Variants in C1orf185 observed in about 807,000 individuals in gnomAD.
The protein encoded by C1orf185 is uncharacterized protein C1orf185.
A neutral mutation model predicts 16.1 loss-of-function variants in C1orf185; 13 were observed. The observed-to-expected ratio is 0.81, with a 90% CI of 0.53 to 1.28. The LOEUF (loss-of-function observed/expected upper bound fraction) is 1.28. C1orf185 is among the 50% of genes most tolerant of loss of function. The pLI, the probability that C1orf185 is intolerant of heterozygous loss-of-function variation, is 0.00. For synonymous variants in C1orf185, 80 were observed against 76.9 expected (o/e 1.04, Z -0.21); for missense variants, 220 against 225.2 (o/e 0.98, Z 0.15).
At chr1:51,106,390 A>C (rs1185076439) in intron 1 of C1orf185, among the ~76,000 whole-genome samples, 1 of 151,936 alleles carries the variant, frequency 6.6e-6, no homozygotes, top group African/African-American at 2.4e-5. Flanking sequence ...TTTTTTAAAC[A>C]AAATTGAGAT....
At chr1:51,142,985 A>G (rs963995818) in intron 3 of C1orf185, among the ~76,000 whole-genome samples, 3 of 152,034 alleles carry the variant, frequency 2.0e-5, no homozygotes, top group Admixed American at 1.3e-4. Flanking sequence ...GCTGTTCTCA[A>G]ACTCCTGGCC....
chr1:51,120,294 AT>A (rs1281805455), intron 3 of C1orf185, among the ~76,000 whole-genome samples: 1 of 152,188 alleles, frequency 6.6e-6, no homozygotes, highest in African/African-American at 2.4e-5. Context: ...GGTCAAGAGC[AT>A]TGTCTGTAGA....
At chr1:51,113,038 C>T (rs572351117) in intron 2 of C1orf185, among the ~76,000 whole-genome samples, 496 of 151,720 alleles carry the variant, frequency 3.3e-3, no homozygotes, top group Non-Finnish European at 4.3e-3. Flanking sequence ...AGGCTGGTCT[C>T]GAACTCCTGA....
chr1:51,111,374 C>CTTTTTTTTTTTTTTTTT (rs11414730), intron 1 of C1orf185, among the ~76,000 whole-genome samples: 9 of 133,970 alleles, frequency 6.7e-5, no homozygotes, highest in African/African-American at 2.5e-4. Context: ...TTCTTTCTTT[C>CTTTTTTTTTTTTTTTTT]TTTTTTTTTT....
At chr1:51,123,492 T>C (rs764171364) in intron 3 of C1orf185, among the ~76,000 whole-genome samples, 1 of 152,248 alleles carries the variant, frequency 6.6e-6, no homozygotes, top group Non-Finnish European at 1.5e-5. Context: ...TGGAGGTTTT[T>C]GTATAAACAT....
chr1:51,110,467 T>A (rs964022538), intron 1 of C1orf185, among the ~76,000 whole-genome samples: 3 of 152,172 alleles, frequency 2.0e-5, no homozygotes, highest in African/African-American at 7.2e-5. Flanking sequence ...AAAACTAAGA[T>A]TTGACAGGCA....
chr1:51,120,588 C>T (rs1449193621), intron 3 of C1orf185, among the ~76,000 whole-genome samples: 1 of 152,068 alleles, frequency 6.6e-6, no homozygotes, highest in Non-Finnish European at 1.5e-5. Flanking sequence ...CTCTGACTTT[C>T]GAATGAAGGA....
rs113340357 is a variant in C1orf185, at chr1:51,111,621, G to T, written c.17-843G>T. On this transcript the variant is annotated intron_variant, in intron 1 of 4. Transcript: ENST00000371759. ...GACAACTTCCACCTCCCAGGTTCCA[G>T]TGATTCTCCTGCCTCAGCCTCCCGA... is the stretch of plus-strand genomic sequence containing the variant. Among the ~76,000 whole-genome samples, 287 of 152,114 alleles carry T rather than the reference G, an allele frequency of 1.9e-3. 3 individuals carry two copies. Among genetic ancestry groups the T allele is most frequent in the African/African-American group, 6.6e-3 (275 of 41,494 alleles).
chr1:51,148,502 G>T (rs1646415308), downstream of C1orf185, among the ~76,000 whole-genome samples: 1 of 152,132 alleles, frequency 6.6e-6, no homozygotes, highest in African/African-American at 2.4e-5. Context: ...ATTTCAGTGT[G>T]GGTAGGGCTG....
intron 1 of C1orf185, chr1:51,107,362 A>G (rs1646081208): frequency 6.6e-6 from 1 of 152,214 alleles, no homozygotes; most frequent in Non-Finnish European, 1.5e-5. Context: ...AACCAATGAA[A>G]TATTATAGAT....
At chr1:51,132,300 C>T (rs1177914335) in intron 3 of C1orf185, among the ~76,000 whole-genome samples, 2 of 152,078 alleles carry the variant, frequency 1.3e-5, no homozygotes, top group African/African-American at 4.8e-5. Context: ...GATTACTGAG[C>T]TCCAGAAGTG....
intron 1 of C1orf185, among the ~76,000 whole-genome samples, chr1:51,112,142 A>T (rs1198895500): frequency 6.6e-6 from 1 of 152,278 alleles, no homozygotes; most frequent in Non-Finnish European, 1.5e-5. Flanking sequence ...GGGGAAAAAA[A>T]AAAAAGCTAG....
chr1:51,110,525 T>C (rs17106409), intron 1 of C1orf185, among the ~76,000 whole-genome samples: 27,483 of 152,106 alleles, frequency 0.18, 4,732 homozygotes, highest in African/African-American at 0.45. Flanking sequence ...AATATGGAAA[T>C]GACAAAATCT....
intron 1 of C1orf185, among the ~76,000 whole-genome samples, chr1:51,103,448 C>CACACACACACACAA (rs772356987): frequency 1.3e-5 from 2 of 149,772 alleles, no homozygotes; most frequent in Non-Finnish European, 3.0e-5. Flanking sequence ...CACACACACA[C>CACACACACACACAA]AAAAACCACG....
intron 3 of C1orf185, among the ~76,000 whole-genome samples, chr1:51,143,361 C>A (rs1239840929): frequency 6.6e-6 from 1 of 152,178 alleles, no homozygotes; most frequent in African/African-American, 2.4e-5. Flanking sequence ...TGTAAGGAAG[C>A]AGCTGTCCCT....
At chr1:51,140,180 G>A (rs998413521) in intron 3 of C1orf185, among the ~76,000 whole-genome samples, 1 of 152,138 alleles carries the variant, frequency 6.6e-6, no homozygotes, top group Non-Finnish European at 1.5e-5. Flanking sequence ...CACTTTCGTT[G>A]TCTCACGCCT....
At chr1:51,140,044 T>C (rs755999387) in intron 3 of C1orf185, among the ~76,000 whole-genome samples, 1 of 152,208 alleles carries the variant, frequency 6.6e-6, no homozygotes, top group Non-Finnish European at 1.5e-5. Context: ...TCAAGCTTGA[T>C]GTCAGTGATA....
chr1:51,118,555 A>G, intron 2 of C1orf185, 111 bp from the exon 3 acceptor site: 2 of 630,868 alleles, frequency 3.2e-6, no homozygotes, highest in Non-Finnish European at 2.4e-6. Context: ...ATATGCTATA[A>G]TGTATTTATT....
downstream of C1orf185, among the ~76,000 whole-genome samples, chr1:51,148,852 T>C (rs1054396949): frequency 1.3e-5 from 2 of 152,134 alleles, no homozygotes; most frequent in African/African-American, 4.8e-5. Flanking sequence ...ATTTGAGCCC[T>C]GAAGGTTGAG....
Sources: allele counts gnomAD v4.1 joint callset (sites outside exome capture counted in the v4.1 genomes callset), GRCh38; gene constraint gnomAD v4.1.1; transcripts MANE v1.5; gene names NCBI Gene and HGNC (gene_info 2026-07-23, HGNC 2026-07-21).